The following MYLIP variants were observed in gnomAD, a reference collection of about 807,000 sequenced individuals.
The protein encoded by MYLIP is myosin regulatory light chain interacting protein.
A neutral mutation model predicts 45.8 loss-of-function variants in MYLIP; 26 were observed. That is an observed-to-expected ratio of 0.57 (90% CI 0.42 to 0.79). The LOEUF (loss-of-function observed/expected upper bound fraction) is 0.79, where lower values mean the gene tolerates loss of function less well. Among genes scored for constraint, MYLIP ranks in the 30% least tolerant of loss-of-function variants. MYLIP has a pLI of 0.00. For missense variants in MYLIP, 494 were observed against 555.6 expected, an observed-to-expected ratio of 0.89 and a Z score of 1.11; for synonymous variants, 213 against 218.1, an observed-to-expected ratio of 0.98 and a Z score of 0.21.
chr6:16,132,034 C>A lies in MYLIP; in HGVS notation c.278+1287C>A, dbSNP rs1483688436. ...TTGTGAAAGCTTTGCGCTTCACTGT[C>A]ATAACTTGCAGTCGAATACAAGATA... is the stretch of plus-strand genomic sequence containing the variant. On this transcript the variant is annotated intron_variant, in intron 2 of 6. Transcript: ENST00000356840. Among the ~76,000 whole-genome samples the A allele has an allele frequency of 2.0e-5, 3 of 152,170 alleles. No homozygotes were observed. The South Asian group carries it at 6.2e-4, about 32-fold the overall frequency.
intron 2 of MYLIP, among the ~76,000 whole-genome samples, chr6:16,136,094 T>G (rs1232051220): frequency 6.6e-6 from 1 of 152,144 alleles, no homozygotes; most frequent in Admixed American, 6.5e-5. Flanking sequence ...GATGTAAAAT[T>G]TACATAAATC....
chr6:16,141,705 G>A lies in MYLIP; in HGVS notation c.359G>A (p.Ser120Asn), dbSNP rs1283524064. 1.9e-6 allele frequency: 3 copies of A among 1,614,130 alleles called. No homozygotes were observed. Among genetic ancestry groups the A allele is most frequent in the Middle Eastern group, 1.6e-4 (1 of 6,062 alleles). Residue 120 changes from serine (S) to asparagine (N), a missense_variant, in exon 3 of 7, where the codon AGT becomes AAT. Ser to Asn is a conservative substitution (Grantham distance 46, BLOSUM62 1). Coordinates refer to ENST00000356840, the MANE Select transcript of MYLIP (RefSeq NM_013262.4). ...LCSPEQAVELSALLAQTKFGD... is the reference protein window; with the variant it reads ...LCSPEQAVELNALLAQTKFGD... ...TCCCCAGAGCAGGCAGTGGAACTCA[G>A]TGCCCTCCTGGCCCAGACCAAGTTT...
chr6:16,161,262 G>T, the MYLIP span: 2 of 367,064 alleles, frequency 5.4e-6, no homozygotes, highest in South Asian at 2.4e-5. Context: ...AATACACCCA[G>T]ACCTTCAGCC....
At position 16,129,706 on chromosome 6, in the gene MYLIP, G is replaced by A. The variant is rs1320192659; in HGVS notation, c.87+297G>A. ...CATCCCCCCAACCCAGCACTTTCCC[G>A]GAAGAAGGCGGCTCCGCACACCTGC... On this transcript the variant is annotated intron_variant, in intron 1 of 6. Transcript: ENST00000356840. The surrounding 1 kb of genome is among the most constrained non-coding windows in gnomAD (Gnocchi z 5.1). Among the ~76,000 whole-genome samples, 5 of 152,176 alleles carry A rather than the reference G, an allele frequency of 3.3e-5. No individual in the cohort carries two copies. Among genetic ancestry groups the A allele is most frequent in the African/African-American group, 9.6e-5 (4 of 41,462 alleles).
In MYLIP at chr6:16,140,860, A is replaced by AATG. The variant is rs528118507; in HGVS notation, c.279-764_279-763insTGA. 7.5e-3 allele frequency among the ~76,000 whole-genome samples: 1,145 copies of AATG among 152,338 alleles called. 17 individuals carry two copies. Among genetic ancestry groups the AATG allele is most frequent in the African/African-American group, 0.026 (1,071 of 41,566 alleles). ...AGAGAAATGACAAGTTTATACTAGA[A>AATG]ACAAGCAGCATGGAAGGTAGGCTGC... On this transcript the variant is annotated intron_variant, in intron 2 of 6. Coordinates refer to ENST00000356840, the MANE Select transcript of MYLIP (RefSeq NM_013262.4).
chr6:16,133,744 T>A (rs1161843047), intron 2 of MYLIP, among the ~76,000 whole-genome samples: 4 of 152,152 alleles, frequency 2.6e-5, no homozygotes, highest in African/African-American at 4.8e-5. Context: ...GCCAATAAAA[T>A]CTATATTTTG....
rs1386781833 is a variant in MYLIP, at chr6:16,129,257, T to A, written c.-66T>A. 1 of 1,505,938 alleles carries A rather than the reference T, an allele frequency of 6.6e-7. No homozygotes were observed. Among genetic ancestry groups the A allele is most frequent in the Admixed American group, 2.0e-5 (1 of 50,766 alleles). The allele number at this position is 1,505,938 out of a possible 1,614,324, so 93.3% of individuals were successfully genotyped here. On this transcript the variant is annotated 5_prime_UTR_variant, in exon 1 of 7. Coordinates refer to ENST00000356840, the MANE Select transcript of MYLIP (RefSeq NM_013262.4). The surrounding 1 kb of genome is among the most constrained non-coding windows in gnomAD (Gnocchi z 5.1). ...CGAGTCCGGGGCTGGGTCCCACCAG[T>A]GACAAGGCGGCAGCCCCGCGCACAC...
At chr6:16,162,813 A>G in the MYLIP span, among the ~76,000 whole-genome samples, 1 of 150,352 alleles carries the variant, frequency 6.7e-6, no homozygotes, top group Non-Finnish European at 1.5e-5. Context: ...AAAGAAATTC[A>G]TTTTATATAT....
In MYLIP at chr6:16,130,640, C is replaced by T. The variant is rs760002701; in HGVS notation, c.171C>T (p.Asn57=). The stretch of plus-strand genomic sequence containing the variant: ...GCAAAGGTGAAAGTTTATGGCTAAA[C>T]CTGAGAAACCGGATCTCCCAGCAGA... ...TGSKGESLWL[N]LRNRISQQMD... Residue 57 remains asparagine (N), a synonymous_variant, in exon 2 of 7, where the codon AAC becomes AAT. Coordinates refer to ENST00000356840, the MANE Select transcript of MYLIP (RefSeq NM_013262.4). 17 of 1,614,034 alleles carry T rather than the reference C, an allele frequency of 1.1e-5. No homozygotes were observed. In the Middle Eastern group the frequency reaches 9.9e-4, roughly 94 times the overall value.
At chr6:16,156,357 A>G in the MYLIP span, among the ~76,000 whole-genome samples, 1 of 152,224 alleles carries the variant, frequency 6.6e-6, no homozygotes. Flanking sequence ...TATCAACGGT[A>G]AAATAAACAT....
intron 2 of MYLIP, among the ~76,000 whole-genome samples, chr6:16,139,449 T>C (rs1032527509): frequency 1.3e-5 from 2 of 152,084 alleles, no homozygotes; most frequent in African/African-American, 4.8e-5. Context: ...ACTTCGTTTG[T>C]GGCAATATTC....
At chr6:16,145,582 T>C (rs1356724807) in intron 6 of MYLIP, among the ~76,000 whole-genome samples, 3 of 152,180 alleles carry the variant, frequency 2.0e-5, no homozygotes, top group African/African-American at 7.2e-5. Context: ...GGGTAACATA[T>C]CTAGTTAGCG....
chr6:16,145,538 G>C (rs1473962688), intron 6 of MYLIP, among the ~76,000 whole-genome samples: 1 of 152,140 alleles, frequency 6.6e-6, no homozygotes, highest in Non-Finnish European at 1.5e-5. Flanking sequence ...ATTATGCAGT[G>C]TTTTCAAGTT....
At chr6:16,158,834 C>T in the MYLIP span, among the ~76,000 whole-genome samples, 1 of 152,174 alleles carries the variant, frequency 6.6e-6, no homozygotes, top group Non-Finnish European at 1.5e-5. Flanking sequence ...CGCGCCACTG[C>T]ACTCCAGCCT....
In MYLIP at chr6:16,141,749, A is replaced by C; in HGVS notation, c.403A>C (p.Thr135Pro). 2 of 1,614,158 alleles carry C rather than the reference A, an allele frequency of 1.2e-6. No individual in the cohort carries two copies. The highest frequency in any genetic ancestry group is 1.7e-6 in the Non-Finnish European group (2 of 1,179,998). ...CAAGTTTGGAGACTACAACCAGAAC[A>C]CTGCCAAGTATAACTATGAGGAGCT... ...QTKFGDYNQN[T>P]AKYNYEELCA... Residue 135 changes from threonine (T) to proline (P), a missense_variant, in exon 3 of 7, where the codon ACT (threonine) becomes CCT (proline). Coordinates refer to ENST00000356840, the MANE Select transcript of MYLIP (RefSeq NM_013262.4).
chr6:16,139,559 G>A (rs1027793777), intron 2 of MYLIP, among the ~76,000 whole-genome samples: 1 of 152,202 alleles, frequency 6.6e-6, no homozygotes, highest in African/African-American at 2.4e-5. Flanking sequence ...TACAGAGATG[G>A]GTACATTCAC....
Position 16,130,478 on chromosome 6 carries a change from A to G in MYLIP, c.88-79A>G, listed in dbSNP as rs141593682. 1.4e-4 allele frequency: 200 copies of G among 1,418,476 alleles called. No individual in the cohort carries two copies. The African/African-American group carries it at 2.4e-3, about 17-fold the overall frequency. The allele number at this position is 1,418,476 out of a possible 1,614,324, so 87.9% of individuals were successfully genotyped here. On this transcript the variant is annotated intron_variant, in intron 1 of 6. Transcript: ENST00000356840. ...TTGAACTTTGTAAAAAGCACCAGCA[A>G]TCTTAGCCTCAGGGAGCCGTTGGGT...
the MYLIP span, among the ~76,000 whole-genome samples, chr6:16,160,268 T>A: frequency 6.6e-6 from 1 of 152,114 alleles, no homozygotes; most frequent in Non-Finnish European, 1.5e-5. Context: ...GTGCGCAAAT[T>A]AAGAGAGGGG....
downstream of MYLIP, among the ~76,000 whole-genome samples, chr6:16,149,505 GCA>G (rs1360474300): frequency 6.6e-6 from 1 of 152,220 alleles, no homozygotes; most frequent in African/African-American, 2.4e-5. Flanking sequence ...CAGGGCTGGA[GCA>G]CAGTCTGCTG....
Sources: gnomAD v4.1 joint callset for allele counts (sites outside exome capture counted in the v4.1 genomes callset) on GRCh38, gnomAD v4.1.1 for gene constraint, Gnocchi (gnomAD v3.1) non-coding constraint, MANE v1.5 for transcripts, NCBI Gene and HGNC (gene_info 2026-07-23, HGNC 2026-07-21) for gene names.